Variants in IMPG2 observed in about 807,000 individuals in gnomAD.
IMPG2 encodes the protein interphotoreceptor matrix proteoglycan 2.
In IMPG2, 91 loss-of-function variants were observed where a neutral mutation model predicts 129.2. The ratio of observed to expected loss-of-function variants is 0.70; its 90% CI spans 0.59 to 0.84. The LOEUF (loss-of-function observed/expected upper bound fraction) is 0.84, where lower values mean the gene tolerates loss of function less well. Among genes scored for constraint, IMPG2 ranks in the 40% least tolerant of loss-of-function variants. IMPG2 has a pLI of 0.00. For synonymous variants in IMPG2, 510 were observed against 517.7 expected (o/e 0.99, Z 0.20); for missense variants, 1,430 against 1,461.7 (o/e 0.98, Z 0.35).
intron 5 of IMPG2, among the ~76,000 whole-genome samples, chr3:101,276,334 T>C (rs181492403): frequency 4.6e-5 from 7 of 152,116 alleles, no homozygotes; most frequent in African/African-American, 1.7e-4. Flanking sequence ...GAATGACAAA[T>C]GGTGGCGTTA....
rs111780929 is a variant in IMPG2, at chr3:101,308,127, G to T, written c.335-3815C>A. On this transcript the variant is annotated intron_variant, in intron 2 of 18. Transcript: ENST00000193391. ...GCTGTGGCTTTGCAGGGTACAGCCC[G>T]CCTCCCAGCTGCCTTCACAGTGTGG... Among the ~76,000 whole-genome samples, 6 of 152,278 alleles carry T rather than the reference G, an allele frequency of 3.9e-5. No homozygotes were observed. The East Asian group carries it at 9.7e-4, about 25-fold the overall frequency.
At chr3:101,290,008 G>A (rs903371627) in intron 4 of IMPG2, among the ~76,000 whole-genome samples, 20 of 151,460 alleles carry the variant, frequency 1.3e-4, no homozygotes, top group Non-Finnish European at 2.5e-4. Flanking sequence ...GATTTGTGAC[G>A]AAATGATTGA....
At chr3:101,268,054 G>A (rs566237734) in intron 8 of IMPG2, among the ~76,000 whole-genome samples, 1 of 152,254 alleles carries the variant, frequency 6.6e-6, no homozygotes, top group Admixed American at 6.5e-5. Context: ...TATAAAAATT[G>A]ATTTAATCTT....
chr3:101,248,896 G>T (rs1047165841), intron 11 of IMPG2, among the ~76,000 whole-genome samples: 8 of 152,120 alleles, frequency 5.3e-5, no homozygotes, highest in Admixed American at 1.3e-4. Flanking sequence ...CTAGGAGGCT[G>T]ACCCCTGTGA....
chr3:101,314,364 G>A (rs1034007945), intron 2 of IMPG2, among the ~76,000 whole-genome samples: 2 of 152,098 alleles, frequency 1.3e-5, no homozygotes, highest in Non-Finnish European at 2.9e-5. Context: ...TGGGTGTCCT[G>A]CATTTTTATA....
At position 101,253,790 on chromosome 3, in the gene IMPG2, A is replaced by G; in HGVS notation, c.1154-9T>C. The G allele has an allele frequency of 1.9e-6, 3 of 1,593,164 alleles. No individual in the cohort carries two copies. Among genetic ancestry groups the G allele is most frequent in the Non-Finnish European group, 2.6e-6 (3 of 1,163,718 alleles). On this transcript the variant is annotated splice_polypyrimidine_tract_variant and intron_variant, in intron 10 of 18. Transcript: ENST00000193391. ...ACGCAAAACTCCTCTCACTGAGGAAAGAACAATATTAAAGAACATTTTTAG... is the reference window on the plus strand; with the variant it reads ...ACGCAAAACTCCTCTCACTGAGGAAGGAACAATATTAAAGAACATTTTTAG...
At position 101,222,726 on chromosome 3, in the gene IMPG2, T is replaced by C. The variant is rs1706177719; in HGVS notation, c.*4243A>G. ...TATTTGATTCAAACCCTGGATAAAATGTCATTATAAACAAGGTGAAAAAGA... is the reference window on the plus strand; with the variant it reads ...TATTTGATTCAAACCCTGGATAAAACGTCATTATAAACAAGGTGAAAAAGA... On this transcript the variant is annotated 3_prime_UTR_variant, in exon 19 of 19. Transcript: ENST00000193391. 6.6e-6 allele frequency: 1 copy of C among 152,192 alleles called. No individual in the cohort carries two copies. The highest frequency in any genetic ancestry group is 1.9e-4 in the East Asian group (1 of 5,200). 9.4% of individuals were successfully genotyped at this position (152,192 alleles called of 1,614,324 possible).
chr3:101,236,925 G>A lies in IMPG2; in HGVS notation c.3023-3934C>T, dbSNP rs182783323. ...AGGGAGCCAAGTGGTCTAGCTCAGCGAATCCCACCCCCACGGAGCACAGCA... is the reference window on the plus strand; with the variant it reads ...AGGGAGCCAAGTGGTCTAGCTCAGCAAATCCCACCCCCACGGAGCACAGCA... On this transcript the variant is annotated intron_variant, in intron 14 of 18. Transcript: ENST00000193391. Among the ~76,000 whole-genome samples the A allele has an allele frequency of 2.0e-3, 310 of 152,262 alleles. 2 individuals are homozygous for A. The highest frequency in any genetic ancestry group is 6.8e-3 in the African/African-American group (284 of 41,552).
chr3:101,293,692 A>G (rs190174522), intron 3 of IMPG2, among the ~76,000 whole-genome samples: 1 of 152,346 alleles, frequency 6.6e-6, no homozygotes, highest in East Asian at 1.9e-4. Flanking sequence ...GTCCAATAGA[A>G]GGCTGCTTCA....
intron 3 of IMPG2, among the ~76,000 whole-genome samples, chr3:101,297,151 G>A (rs512357): frequency 0.72 from 109,250 of 152,098 alleles, 40,392 homozygotes; most frequent in East Asian, 0.84. Context: ...CTCATGATCC[G>A]CCCACCTCAG....
intron 9 of IMPG2, among the ~76,000 whole-genome samples, chr3:101,259,241 C>T (rs1356715471): frequency 2.6e-5 from 4 of 152,082 alleles, no homozygotes; most frequent in Admixed American, 6.6e-5. Context: ...CAAGATCCCT[C>T]CAGAGGAAAG....
intron 12 of IMPG2, 122 bp downstream of exon 12, chr3:101,245,680 C>T: frequency 1.1e-6 from 1 of 908,830 alleles, no homozygotes; most frequent in Non-Finnish European, 1.8e-6. Context: ...ACAATTTTAC[C>T]AAGACATTTT....
chr3:101,315,930 A>C (rs1366506674), intron 2 of IMPG2, among the ~76,000 whole-genome samples: 2 of 151,522 alleles, frequency 1.3e-5, no homozygotes, highest in African/African-American at 4.9e-5. Context: ...TTGGCATAAA[A>C]ATAGACAAAT....
intron 12 of IMPG2, 73 bp downstream of exon 12, chr3:101,245,729 A>T: frequency 7.4e-7 from 1 of 1,359,326 alleles, no homozygotes; most frequent in Non-Finnish European, 1.1e-6. Flanking sequence ...TCATAGCCAT[A>T]GTCTCTTCCT....
At chr3:101,270,574 T>C (rs917669119) in intron 7 of IMPG2, among the ~76,000 whole-genome samples, 1 of 151,542 alleles carries the variant, frequency 6.6e-6, no homozygotes, top group African/African-American at 2.4e-5. Flanking sequence ...TTGAGGCGGG[T>C]GGATCACGAG....
chr3:101,312,505 T>TA (rs1707278294), intron 2 of IMPG2, among the ~76,000 whole-genome samples: 1 of 151,936 alleles, frequency 6.6e-6, no homozygotes, highest in African/African-American at 2.4e-5. Flanking sequence ...TATACTTTTT[T>TA]TAAAAAAAAG....
In IMPG2 at chr3:101,273,572, A is replaced by G; in HGVS notation, c.828+9T>C. On this transcript the variant is annotated intron_variant, in intron 7 of 18. Transcript: ENST00000193391. ...TACTGCCTTGTTTGTTTTTTTTTTA[A>G]TCACCCACCTCTGAAATAAATTCTT... The G allele has an allele frequency of 6.2e-7, 1 of 1,613,378 alleles. No individual in the cohort carries two copies. The highest frequency in any genetic ancestry group is 8.5e-7 in the Non-Finnish European group (1 of 1,179,680).
chr3:101,296,699 T>A (rs961018605), intron 3 of IMPG2, among the ~76,000 whole-genome samples: 46 of 14,058 alleles, frequency 3.3e-3, no homozygotes, highest in African/African-American at 5.2e-3. Context: ...GGTCCCAGGA[T>A]TTTTTTTTTG....
chr3:101,226,753 A>T lies in IMPG2; in HGVS notation c.*216T>A, dbSNP rs1211555744. The stretch of plus-strand genomic sequence containing the variant: ...TACGTAGTTTTCAATTTATTTAAAC[A>T]CAGCATTCAGTCTTTATAGAAATAA... On this transcript the variant is annotated 3_prime_UTR_variant, in exon 19 of 19. Transcript: ENST00000193391. 10 of 550,606 alleles carry T rather than the reference A, an allele frequency of 1.8e-5. No homozygotes were observed. Among genetic ancestry groups the T allele is most frequent in the African/African-American group, 5.7e-5 (3 of 52,548 alleles). The allele number at this position is 550,606 out of a possible 1,614,324, so 34.1% of individuals were successfully genotyped here.
Sources: gnomAD v4.1 joint callset for allele counts (sites outside exome capture counted in the v4.1 genomes callset) on GRCh38, gnomAD v4.1.1 for gene constraint, MANE v1.5 for transcripts, NCBI Gene and HGNC (gene_info 2026-07-23, HGNC 2026-07-21) for gene names.